PIP4K2B: variants seen among roughly 807,000 people sequenced by gnomAD.
PIP4K2B encodes phosphatidylinositol-5-phosphate 4-kinase type 2 beta.
PIP4K2B carries 3 observed loss-of-function variants against 42.0 expected under a neutral mutation model. The ratio of observed to expected loss-of-function variants is 0.07; its 90% CI spans 0.03 to 0.18. PIP4K2B has a LOEUF of 0.18. Ranked by LOEUF, PIP4K2B falls within the 10% of genes least tolerant of loss-of-function variation. PIP4K2B has a pLI of 1.00. For synonymous variants in PIP4K2B, 204 were observed against 210.1 expected, an observed-to-expected ratio of 0.97 and a Z score of 0.25; for missense variants, 332 against 562.3, an observed-to-expected ratio of 0.59 and a Z score of 4.14.
chr17:38,776,775 C>A (rs539774343), intron 7 of PIP4K2B: 2 of 331,086 alleles, frequency 6.0e-6, no homozygotes, highest in African/African-American at 4.3e-5. Context: ...GAGAAGGAGA[C>A]GCTGAGTTAT....
chr17:38,775,433 T>C (rs1285891577), intron 7 of PIP4K2B, among the ~76,000 whole-genome samples: 1 of 152,140 alleles, frequency 6.6e-6, no homozygotes, highest in African/African-American at 2.4e-5. Context: ...TAATTTTTTG[T>C]AGAGACAGGA....
At chr17:38,780,044 C>A (rs1909607508) in intron 4 of PIP4K2B, 1 of 180,816 alleles carries the variant, frequency 5.5e-6, no homozygotes, top group Non-Finnish European at 1.2e-5. Flanking sequence ...CTCAGGTGCC[C>A]CAGAAATGAA....
intron 7 of PIP4K2B, 141 bp downstream of exon 7, chr17:38,777,546 T>G (rs1252989675): frequency 1.5e-6 from 1 of 646,490 alleles, no homozygotes; most frequent in Non-Finnish European, 2.8e-6. Context: ...TAGGTGCCCA[T>G]AAGTGCCCAC....
intron 6 of PIP4K2B, 58 bp downstream of exon 6, chr17:38,778,276 G>T: frequency 6.5e-7 from 1 of 1,536,072 alleles, no homozygotes; most frequent in Non-Finnish European, 9.0e-7. Flanking sequence ...CAGGATGGCC[G>T]ACAGGAGTTG....
At chr17:38,790,302 C>A (rs1177297429) in intron 1 of PIP4K2B, among the ~76,000 whole-genome samples, 5 of 152,132 alleles carry the variant, frequency 3.3e-5, no homozygotes, top group Non-Finnish European at 7.4e-5. Context: ...GTTTTTCTGC[C>A]AACAGAAACA....
chr17:38,788,286 C>T (rs1395097852), intron 1 of PIP4K2B, among the ~76,000 whole-genome samples: 2 of 151,862 alleles, frequency 1.3e-5, no homozygotes, highest in African/African-American at 4.8e-5. Flanking sequence ...CTGCAAGCTC[C>T]GCCTCCTGGG....
Position 38,784,357 on chromosome 17 carries a change from T to C in PIP4K2B, c.258-18A>G. 6.9e-7 allele frequency: 1 copy of C among 1,444,752 alleles called. No homozygotes were observed. The highest frequency in any genetic ancestry group is 9.7e-7 in the Non-Finnish European group (1 of 1,026,404). The allele number at this position is 1,444,752 out of a possible 1,614,324, so 89.5% of individuals were successfully genotyped here. A position where few individuals can be genotyped will look rare whatever the true frequency, so the allele number is the denominator to read the frequency against. On this transcript the variant is annotated intron_variant, in intron 2 of 9. Coordinates refer to ENST00000619039, the MANE Select transcript of PIP4K2B (RefSeq NM_003559.5). Reference sequence around the variant, plus strand: ...GGTTCTCCCTAGGGAAAAGCAGAGATATGTCTTTGTGAACTGCCCCTTGCT... The same window carrying C: ...GGTTCTCCCTAGGGAAAAGCAGAGACATGTCTTTGTGAACTGCCCCTTGCT...
chr17:38,777,545 A>C (rs1438559940), intron 7 of PIP4K2B, 142 bp downstream of exon 7: 1 of 645,202 alleles, frequency 1.5e-6, no homozygotes, highest in Admixed American at 2.6e-5. Context: ...TTAGGTGCCC[A>C]TAAGTGCCCA....
chr17:38,792,498 T>C (rs537888916), intron 1 of PIP4K2B, among the ~76,000 whole-genome samples: 23 of 152,340 alleles, frequency 1.5e-4, no homozygotes, highest in African/African-American at 5.3e-4. Context: ...AACATGGAGA[T>C]GAAAATTCAG....
rs1281247527 is a variant in PIP4K2B, at chr17:38,777,674, GGTTA to G, written c.807+9_807+12del. 1 of 1,550,104 alleles carries G rather than the reference GGTTA, an allele frequency of 6.5e-7. No individual in the cohort carries two copies. Among genetic ancestry groups the G allele is most frequent in the Admixed American group, 1.7e-5 (1 of 59,960 alleles). ...AAGGAGCCTTGCAGGTGAAAATGAAGGTTAGTAAGTACCTCAACGTCCCGCTTCA... is the reference window on the plus strand; with the variant it reads ...AAGGAGCCTTGCAGGTGAAAATGAAGGTAAGTACCTCAACGTCCCGCTTCA... On this transcript the variant is annotated intron_variant, in intron 7 of 9. Coordinates refer to ENST00000619039, the MANE Select transcript of PIP4K2B (RefSeq NM_003559.5).
At chr17:38,778,733 C>A (rs542009729) in intron 5 of PIP4K2B, among the ~76,000 whole-genome samples, 1 of 152,140 alleles carries the variant, frequency 6.6e-6, no homozygotes, top group African/African-American at 2.4e-5. Flanking sequence ...ACATACCACA[C>A]GGGCCCGGCC....
At position 38,778,392 on chromosome 17, in the gene PIP4K2B, C is replaced by G. The variant is rs376035272; in HGVS notation, c.655-20G>C. ...AGAACCCTGAAAGGATAAGAGCCAT[C>G]AGGGGAAGTCAAGCTGAGGCAAAGT... On this transcript the variant is annotated intron_variant, in intron 5 of 9. Coordinates refer to ENST00000619039, the MANE Select transcript of PIP4K2B (RefSeq NM_003559.5). 1.2e-6 allele frequency: 2 copies of G among 1,613,636 alleles called. No individual in the cohort carries two copies. The highest frequency in any genetic ancestry group is 2.7e-5 in the African/African-American group (2 of 74,900).
intron 1 of PIP4K2B, among the ~76,000 whole-genome samples, chr17:38,788,863 G>A (rs1455796661): frequency 7.5e-6 from 1 of 133,446 alleles, no homozygotes; most frequent in East Asian, 2.0e-4. Context: ...TGAGGCAGGA[G>A]AATCGTTTGA....
At chr17:38,795,581 T>A (rs1316500779) in intron 1 of PIP4K2B, among the ~76,000 whole-genome samples, 2 of 151,696 alleles carry the variant, frequency 1.3e-5, no homozygotes, top group Non-Finnish European at 2.9e-5. Context: ...TAAAACTCCA[T>A]ATCTACTAAG....
At position 38,770,503 on chromosome 17, in the gene PIP4K2B, A is replaced by G. The variant is rs942713473; in HGVS notation, c.1103T>C (p.Ile368Thr). 6.2e-7 allele frequency: 1 copy of G among 1,611,710 alleles called. No homozygotes were observed. Among genetic ancestry groups the G allele is most frequent in the Non-Finnish European group, 8.5e-7 (1 of 1,177,942 alleles). The change falls in exon 9 of 10, where the codon ATT (isoleucine) becomes ACT (threonine). Residue 368 changes from isoleucine to threonine, a missense_variant. Ile to Thr is a moderately conservative substitution (Grantham distance 89). Transcript: ENST00000619039. ...TGTATCGTATGGCGTGAGGATATCAATGATGGCCATGAAATACACCTCCTT... is the reference window on the plus strand; with the variant it reads ...TGTATCGTATGGCGTGAGGATATCAGTGATGGCCATGAAATACACCTCCTT... ...PKKEVYFMAIIDILTPYDTKK... is the reference protein window; with the variant it reads ...PKKEVYFMAITDILTPYDTKK...
intron 7 of PIP4K2B, among the ~76,000 whole-genome samples, chr17:38,774,523 C>T (rs1909212615): frequency 6.6e-6 from 1 of 152,122 alleles, no homozygotes; most frequent in African/African-American, 2.4e-5. Flanking sequence ...AATCCCAGCA[C>T]TTTGGGAGGC....
intron 1 of PIP4K2B, among the ~76,000 whole-genome samples, chr17:38,798,569 A>G (rs73985015): frequency 0.021 from 3,185 of 152,290 alleles, 103 homozygotes; most frequent in African/African-American, 0.07. Context: ...ATGGGAAGAC[A>G]TATTATTTCT....
chr17:38,780,366 C>T (rs1345178122), intron 4 of PIP4K2B, 86 bp downstream of exon 4: 4 of 1,248,118 alleles, frequency 3.2e-6, no homozygotes, highest in East Asian at 2.4e-5. Context: ...CAGAGAGGAC[C>T]AACCCCTCCC....
chr17:38,777,172 T>G (rs1909407125), intron 7 of PIP4K2B, among the ~76,000 whole-genome samples: 1 of 152,216 alleles, frequency 6.6e-6, no homozygotes, highest in South Asian at 2.1e-4. Context: ...CAAACAATCC[T>G]TTCGCCTCAG....
Sources: gnomAD v4.1 joint callset for allele counts (sites outside exome capture counted in the v4.1 genomes callset) on GRCh38, gnomAD v4.1.1 for gene constraint, MANE v1.5 for transcripts, NCBI Gene and HGNC (gene_info 2026-07-23, HGNC 2026-07-21) for gene names.